FMN2: variants seen among roughly 807,000 people sequenced by gnomAD.
FMN2 encodes the protein formin-2.
Under a neutral mutation model 142.3 loss-of-function variants are expected in FMN2, and 51 were observed. That is an observed-to-expected ratio of 0.36 (90% confidence interval 0.29 to 0.45). FMN2 has a LOEUF of 0.45. Among genes scored for constraint, FMN2 ranks in the 20% least tolerant of loss-of-function variants. FMN2 has a pLI of 1.00. For synonymous variants in FMN2, 882 were observed against 869.8 expected, an observed-to-expected ratio of 1.01 and a Z score of -0.25; for missense variants, 1,936 against 2,122.8, an observed-to-expected ratio of 0.91 and a Z score of 1.73.
At chr1:240,146,328 A>G (rs1467874384) in intron 2 of FMN2, among the ~76,000 whole-genome samples, 2 of 145,988 alleles carry the variant, frequency 1.4e-5, no homozygotes, top group African/African-American at 5.1e-5. Flanking sequence ...CAGGAGGCGG[A>G]GGTTGCAGTG....
intron 7 of FMN2, among the ~76,000 whole-genome samples, chr1:240,289,776 A>G (rs1427536971): frequency 1.3e-5 from 2 of 152,186 alleles, no homozygotes; most frequent in Non-Finnish European, 2.9e-5. Flanking sequence ...TTGTCTAATA[A>G]TGTTTTGTTG....
At chr1:240,209,544 G>A (rs1026427178) in intron 5 of FMN2, among the ~76,000 whole-genome samples, 3 of 150,172 alleles carry the variant, frequency 2.0e-5, no homozygotes, top group African/African-American at 4.9e-5. Flanking sequence ...GTGAGCCACC[G>A]GGCACGGCCG....
chr1:240,170,595 A>T, intron 2 of FMN2: 1 of 1,572,542 alleles, frequency 6.4e-7, no homozygotes, highest in Non-Finnish European at 8.8e-7. Flanking sequence ...ATTACATGGG[A>T]ACCAGCACAT....
rs970484119 is a variant in FMN2 at position 240,462,168 on chromosome 1, C to G, written c.5061-10204C>G. Among the ~76,000 whole-genome samples the G allele has an allele frequency of 4.6e-5, 7 of 152,074 alleles. 1 individual carries two copies. The highest frequency in any genetic ancestry group is 2.6e-4 in the Admixed American group (4 of 15,250). Reference sequence around the variant, plus strand: ...TTTCTCTTTCTGGTCCACAGATATCCCATGAGAGAGTCTTTAAATGATTTT... The same window carrying G: ...TTTCTCTTTCTGGTCCACAGATATCGCATGAGAGAGTCTTTAAATGATTTT... On this transcript the variant is annotated intron_variant, in intron 16 of 17. Transcript: ENST00000319653.
Position 240,208,691 on chromosome 1 carries a change from GAA to G in FMN2, c.3880_3881del (p.Lys1294AlafsTer11). The G allele has an allele frequency of 6.2e-7, 1 of 1,613,676 alleles. No homozygotes were observed. Among genetic ancestry groups the G allele is most frequent in the South Asian group, 1.1e-5 (1 of 91,078 alleles). On this transcript the variant is annotated frameshift_variant, in exon 5 of 18. Transcript: ENST00000319653. LOFTEE classifies it high-confidence loss of function. ...AGCCCATAGAGCCTTGTCGACCAAT[GAA>G]GCCTCTTTACTGGACCAGGATTCAA... The part of the protein sequence containing the change: ...KQPIEPCRPM[K>X]PLYWTRIQLH...
chr1:240,167,647 A>G (rs2061239), intron 2 of FMN2, among the ~76,000 whole-genome samples: 8 of 152,036 alleles, frequency 5.3e-5, no homozygotes, highest in African/African-American at 1.9e-4. Flanking sequence ...TTTAATGGCT[A>G]TGTTATAGTG....
chr1:240,301,489 T>C (rs1183640771), intron 8 of FMN2, among the ~76,000 whole-genome samples: 1 of 151,956 alleles, frequency 6.6e-6, no homozygotes, highest in East Asian at 1.9e-4. Context: ...CCAGTATCAT[T>C]TTATATCGTT....
chr1:240,463,999 T>C (rs1676529923), intron 16 of FMN2, among the ~76,000 whole-genome samples: 3 of 151,514 alleles, frequency 2.0e-5, no homozygotes, highest in African/African-American at 7.3e-5. Flanking sequence ...GGATACTCCA[T>C]TGAAAAAAAA....
chr1:240,328,147 CAAAAAA>C (rs780595882), intron 8 of FMN2, among the ~76,000 whole-genome samples: 5 of 51,428 alleles, frequency 9.7e-5, no homozygotes, highest in South Asian at 1.0e-3. Context: ...GACCCCATCT[CAAAAAA>C]AAAAAAAAAA....
chr1:240,207,584 G>T lies in FMN2; in HGVS notation c.2772G>T (p.Pro924=), dbSNP rs148496994. The part of the protein sequence containing the change: ...PLPGAGIPPP[P]PLPGAGILPL... ...CCGGAGCGGGCATACCTCCTCCGCC[G>T]CCTCTACCCGGAGCAGGCATACTCC... Residue 924 remains proline (P), a synonymous_variant, in exon 5 of 18, where the codon CCG becomes CCT. Transcript: ENST00000319653. 18 of 1,265,902 alleles carry T rather than the reference G, an allele frequency of 1.4e-5. No individual in the cohort carries two copies. The East Asian group carries it at 3.9e-4, about 27-fold the overall frequency. 78.4% of individuals were successfully genotyped at this position (1,265,902 alleles called of 1,614,324 possible). A position where few individuals can be genotyped will look rare whatever the true frequency, so the allele number is the denominator to read the frequency against.
At chr1:240,464,222 G>A (rs983109553) in intron 16 of FMN2, among the ~76,000 whole-genome samples, 9 of 152,066 alleles carry the variant, frequency 5.9e-5, no homozygotes, top group African/African-American at 1.9e-4. Flanking sequence ...GCACAGCAGC[G>A]TTCATCCACA....
intron 8 of FMN2, among the ~76,000 whole-genome samples, chr1:240,308,614 A>C (rs925955090): frequency 1.4e-4 from 21 of 152,104 alleles, no homozygotes; most frequent in African/African-American, 4.6e-4. Flanking sequence ...AGAAGTTCTG[A>C]CAACTAGGAA....
intron 7 of FMN2, among the ~76,000 whole-genome samples, chr1:240,290,175 A>C (rs1669730451): frequency 6.6e-6 from 1 of 152,164 alleles, no homozygotes; most frequent in Admixed American, 6.5e-5. Flanking sequence ...CAAAATCTTA[A>C]AATCAAAAGA....
At chr1:240,159,839 A>G (rs1275032060) in intron 2 of FMN2, among the ~76,000 whole-genome samples, 7 of 149,542 alleles carry the variant, frequency 4.7e-5, no homozygotes, top group African/African-American at 1.7e-4. Context: ...GAGTGCTTAG[A>G]TTTTCAATCC....
Position 240,474,112 on chromosome 1 carries a change from G to A in FMN2, c.5143-16G>A. ...TCTTTCTAACTAAAACTTTTATCTG[G>A]TGTATTTGTTTTCAGAAAGCAAAGA... On this transcript the variant is annotated splice_polypyrimidine_tract_variant and intron_variant, in intron 17 of 17. Coordinates refer to ENST00000319653, the MANE Select transcript of FMN2 (RefSeq NM_020066.5). The A allele has an allele frequency of 6.4e-7, 1 of 1,556,224 alleles. No individual in the cohort carries two copies. Among genetic ancestry groups the A allele is most frequent in the Non-Finnish European group, 8.6e-7 (1 of 1,159,092 alleles).
At chr1:240,177,361 C>CTT (rs201779468) in intron 2 of FMN2, among the ~76,000 whole-genome samples, 4 of 137,360 alleles carry the variant, frequency 2.9e-5, no homozygotes, top group Non-Finnish European at 3.2e-5. Flanking sequence ...CTATTCAATT[C>CTT]TTTTTTTTTT....
chr1:240,472,385 G>A lies in FMN2; in HGVS notation c.5074G>A (p.Glu1692Lys), dbSNP rs778849965. ...TCTCCCCATCAGAGTAAAAGAAGCC[G>A]AAGAGGTGTGTAGACAGAAGAAAGG... ...LLLQERVKEA[E>K]EVCRQKKGKS... The change falls in exon 17 of 18, where the codon GAA becomes AAA. Residue 1692 changes from glutamate (E) to lysine (K), a missense_variant. Coordinates refer to ENST00000319653, the MANE Select transcript of FMN2 (RefSeq NM_020066.5). The A allele has an allele frequency of 5.0e-6, 8 of 1,611,756 alleles. No homozygotes were observed. The highest frequency in any genetic ancestry group is 1.7e-5 in the Admixed American group (1 of 59,586).
Position 240,107,061 on chromosome 1 carries a change from C to T in FMN2, c.1615+13337C>T, listed in dbSNP as rs143662354. 6.0e-3 allele frequency among the ~76,000 whole-genome samples: 910 copies of T among 151,438 alleles called. 3 individuals carry two copies. The highest frequency in any genetic ancestry group is 0.032 in the South Asian group (154 of 4,788). ...TTGACTGTAGGAACACAATTGAAAC[C>T]TCAGATTTATATTCAAGCAGAAGAC... On this transcript the variant is annotated intron_variant, in intron 1 of 17. Transcript: ENST00000319653.
intron 2 of FMN2, chr1:240,142,828 C>A: frequency 6.3e-7 from 1 of 1,586,360 alleles, no homozygotes; most frequent in African/African-American, 1.3e-5. Context: ...GGCTTGCCAG[C>A]CTGGCCCACC....
Sources: gnomAD v4.1 joint callset for allele counts (sites outside exome capture counted in the v4.1 genomes callset) on GRCh38, gnomAD v4.1.1 for gene constraint, MANE v1.5 for transcripts, NCBI Gene and HGNC (gene_info 2026-07-23, HGNC 2026-07-21) for gene names.